Variants in DACH1 observed in about 807,000 individuals in gnomAD.
DACH1 encodes dachshund homolog 1.
A neutral mutation model predicts 54.2 loss-of-function variants in DACH1; 12 were observed. The observed-to-expected ratio is 0.22, with a 90% confidence interval of 0.14 to 0.36. The LOEUF is 0.36. Ranked by LOEUF, DACH1 falls within the 10% of genes least tolerant of loss-of-function variation. The pLI is 1.00. For missense variants in DACH1, 805 were observed against 929.8 expected (o/e 0.87, Z 1.75); for synonymous variants, 386 against 366.2 (o/e 1.05, Z -0.62).
At chr13:71,845,733 A>G (rs1458230283) in intron 1 of DACH1, among the ~76,000 whole-genome samples, 2 of 152,254 alleles carry the variant, frequency 1.3e-5, no homozygotes, top group Admixed American at 6.5e-5. Context: ...ATAATAGACC[A>G]TAATCCAGTA....
intron 6 of DACH1, among the ~76,000 whole-genome samples, chr13:71,537,402 G>A (rs1006660700): frequency 5.3e-5 from 8 of 151,988 alleles, no homozygotes; most frequent in Admixed American, 1.3e-4. Flanking sequence ...TCATATGTTC[G>A]TTTCTGTGTT....
intron 3 of DACH1, among the ~76,000 whole-genome samples, chr13:71,608,703 C>A (rs796408486): frequency 2.4e-4 from 37 of 152,188 alleles, no homozygotes; most frequent in African/African-American, 8.7e-4. Flanking sequence ...TTAATAAGGA[C>A]TGAAGTATAA....
At chr13:71,506,573 AC>A (rs1243648280) in intron 6 of DACH1, among the ~76,000 whole-genome samples, 3 of 151,754 alleles carry the variant, frequency 2.0e-5, no homozygotes, top group African/African-American at 7.3e-5. Flanking sequence ...TTCATATGGA[AC>A]CAAAAAAGAG....
intron 3 of DACH1, among the ~76,000 whole-genome samples, chr13:71,596,544 A>T (rs554812720): frequency 5.9e-5 from 9 of 152,348 alleles, no homozygotes; most frequent in African/African-American, 1.9e-4. Context: ...AAAGCATATA[A>T]ACAAAGAGAT....
intron 1 of DACH1, among the ~76,000 whole-genome samples, chr13:71,710,955 C>G (rs1459264153): frequency 9.9e-5 from 15 of 152,028 alleles, no homozygotes; most frequent in Admixed American, 9.8e-4. Flanking sequence ...GTTTAGTTCA[C>G]TGGGGCATGA....
chr13:71,693,469 ATTTTTTTT>A (rs748598587), intron 1 of DACH1, among the ~76,000 whole-genome samples: 1 of 119,298 alleles, frequency 8.4e-6, no homozygotes, highest in Non-Finnish European at 1.7e-5. Flanking sequence ...CGCCCGGCAA[ATTTTTTTT>A]TTTTTTTTTT....
chr13:71,671,731 A>G lies in DACH1; in HGVS notation c.964+10064T>C, dbSNP rs549066761. 1.4e-4 allele frequency among the ~76,000 whole-genome samples: 22 copies of G among 152,238 alleles called. 1 individual carries two copies. Among genetic ancestry groups the G allele is most frequent in the African/African-American group, 2.6e-4 (11 of 41,576 alleles). On this transcript the variant is annotated intron_variant, in intron 2 of 10. Coordinates refer to ENST00000613252, the MANE Select transcript of DACH1 (RefSeq NM_080759.6). The stretch of plus-strand genomic sequence containing the variant: ...ATAAACAATATAGCCTATTAAATAA[A>G]TTGAATAGAAAAACCGTGGCTAACA...
At chr13:71,721,384 G>A (rs762380826) in intron 1 of DACH1, among the ~76,000 whole-genome samples, 3 of 152,086 alleles carry the variant, frequency 2.0e-5, no homozygotes, top group Admixed American at 6.6e-5. Flanking sequence ...ACTAGGGGAG[G>A]TAAGAGATGA....
intron 2 of DACH1, among the ~76,000 whole-genome samples, chr13:71,631,510 T>A (rs1189257484): frequency 6.6e-6 from 1 of 152,184 alleles, no homozygotes; most frequent in African/African-American, 2.4e-5. Context: ...ATTCCCAGTG[T>A]TTAAGGTGTT....
At chr13:71,511,738 AATGAT>A (rs1458542894) in intron 6 of DACH1, among the ~76,000 whole-genome samples, 1 of 150,766 alleles carries the variant, frequency 6.6e-6, no homozygotes, top group East Asian at 1.9e-4. Flanking sequence ...CTAAAATTAT[AATGAT>A]TACCTTTCTT....
At chr13:71,520,254 T>C (rs1170191562) in intron 6 of DACH1, among the ~76,000 whole-genome samples, 2 of 151,594 alleles carry the variant, frequency 1.3e-5, no homozygotes, top group African/African-American at 4.8e-5. Context: ...TTCAGAAGAT[T>C]ATGGTAAGAA....
chr13:71,630,529 A>G (rs769575414), intron 3 of DACH1, 27 bp downstream of exon 3: 22 of 1,557,458 alleles, frequency 1.4e-5, no homozygotes, highest in Middle Eastern at 1.8e-4. Flanking sequence ...AGTGATCACA[A>G]TAAGTTTCAG....
chr13:71,772,983 C>T (rs932772518), intron 1 of DACH1, among the ~76,000 whole-genome samples: 9 of 151,684 alleles, frequency 5.9e-5, no homozygotes, highest in Non-Finnish European at 1.0e-4. Context: ...AATGCCCACC[C>T]AATTACCATT....
chr13:71,735,351 T>C (rs201470420), intron 1 of DACH1, among the ~76,000 whole-genome samples: 895 of 30,764 alleles, frequency 0.029, 86 homozygotes, highest in East Asian at 0.062. Flanking sequence ...TACGTGTATA[T>C]GGGATATACA....
intron 2 of DACH1, among the ~76,000 whole-genome samples, chr13:71,632,234 A>G (rs921254475): frequency 2.6e-5 from 4 of 152,176 alleles, no homozygotes; most frequent in African/African-American, 9.6e-5. Context: ...AGAGATAATA[A>G]GCAGAGGTTT....
intron 3 of DACH1, among the ~76,000 whole-genome samples, chr13:71,594,446 C>A (rs1039529362): frequency 3.3e-5 from 5 of 152,052 alleles, no homozygotes; most frequent in East Asian, 1.9e-4. Flanking sequence ...ATGGAAATTT[C>A]TCTCTATCCT....
At chr13:71,834,708 T>G (rs1450478328) in intron 1 of DACH1, among the ~76,000 whole-genome samples, 1 of 149,424 alleles carries the variant, frequency 6.7e-6, no homozygotes, top group Non-Finnish European at 1.5e-5. Flanking sequence ...GATGCACTAC[T>G]TAAATTGGTT....
chr13:71,507,144 T>C (rs2210299), intron 6 of DACH1, among the ~76,000 whole-genome samples: 141,647 of 151,942 alleles, frequency 0.93, 66,837 homozygotes, highest in South Asian at 1. Context: ...AGAAAATTTT[T>C]GCAACCTACT....
At chr13:71,688,488 T>C (rs572289246) in intron 1 of DACH1, among the ~76,000 whole-genome samples, 139 of 152,334 alleles carry the variant, frequency 9.1e-4, no homozygotes, top group African/African-American at 3.2e-3. Flanking sequence ...CTTTTTAAAA[T>C]GGTGACTAAT....
Sources: allele counts gnomAD v4.1 joint callset (sites outside exome capture counted in the v4.1 genomes callset), GRCh38; gene constraint gnomAD v4.1.1; transcripts MANE v1.5; gene names NCBI Gene and HGNC (gene_info 2026-07-23, HGNC 2026-07-21).